Variants in KSR2 observed in about 807,000 individuals in gnomAD.
KSR2 encodes the protein kinase suppressor of ras 2.
Under a neutral mutation model 107.8 loss-of-function variants are expected in KSR2, and 25 were observed. The observed-to-expected ratio is 0.23, with a 90% CI of 0.17 to 0.32. The LOEUF (loss-of-function observed/expected upper bound fraction) is 0.32. KSR2 is among the 10% of genes least tolerant of loss of function. The pLI is 1.00. For missense variants in KSR2, 887 were observed against 1,268.9 expected, an observed-to-expected ratio of 0.70 and a Z score of 4.57; for synonymous variants, 480 against 507.0, an observed-to-expected ratio of 0.95 and a Z score of 0.71.
intron 1 of KSR2, among the ~76,000 whole-genome samples, chr12:117,870,852 C>A (rs1273921467): frequency 6.6e-6 from 1 of 152,132 alleles, no homozygotes; most frequent in Admixed American, 6.5e-5. Context: ...GAGTTCTGGC[C>A]TTGCCCTTGA....
At chr12:117,860,671 T>G (rs531418607) in intron 1 of KSR2, among the ~76,000 whole-genome samples, 1 of 152,276 alleles carries the variant, frequency 6.6e-6, no homozygotes, top group African/African-American at 2.4e-5. Flanking sequence ...TAGTACCAGT[T>G]CAGTGGAGGG....
chr12:117,651,032 C>G (rs1482729740), intron 5 of KSR2, among the ~76,000 whole-genome samples: 1 of 152,144 alleles, frequency 6.6e-6, no homozygotes, highest in East Asian at 1.9e-4. Context: ...AAAAATGAGA[C>G]CCTGAAATTT....
At chr12:117,555,138 A>G (rs1337278607) in intron 9 of KSR2, 31 bp downstream of exon 9, 1 of 1,613,048 alleles carries the variant, frequency 6.2e-7, no homozygotes, top group Non-Finnish European at 8.5e-7. Context: ...CCAGCCCCAC[A>G]TGCCGAGACC....
At chr12:117,608,967 G>A (rs1881445273) in intron 5 of KSR2, among the ~76,000 whole-genome samples, 1 of 152,076 alleles carries the variant, frequency 6.6e-6, no homozygotes. Flanking sequence ...CAGCTAGGGA[G>A]TCTCCCCACT....
At chr12:117,781,441 G>A (rs1298729787) in intron 3 of KSR2, among the ~76,000 whole-genome samples, 1 of 152,174 alleles carries the variant, frequency 6.6e-6, no homozygotes, top group Non-Finnish European at 1.5e-5. Context: ...AGGAGGTAGA[G>A]TGCAGATGAT....
At chr12:117,535,980 A>G (rs1876025638) in intron 10 of KSR2, among the ~76,000 whole-genome samples, 1 of 152,128 alleles carries the variant, frequency 6.6e-6, no homozygotes, top group African/African-American at 2.4e-5. Flanking sequence ...ACATGGCCCC[A>G]GGACTCAGGG....
intron 3 of KSR2, among the ~76,000 whole-genome samples, chr12:117,836,006 C>T (rs1057374434): frequency 6.6e-6 from 1 of 152,180 alleles, no homozygotes; most frequent in Non-Finnish European, 1.5e-5. Context: ...CAACCCCCTA[C>T]AGAAAATCCC....
At chr12:117,609,402 C>T (rs1345075737) in intron 5 of KSR2, among the ~76,000 whole-genome samples, 6 of 152,216 alleles carry the variant, frequency 3.9e-5, no homozygotes. Flanking sequence ...CTAACTAACC[C>T]AGAGGTCAGC....
chr12:117,584,385 G>T (rs1426428050), intron 5 of KSR2, among the ~76,000 whole-genome samples: 1 of 152,086 alleles, frequency 6.6e-6, no homozygotes, highest in Non-Finnish European at 1.5e-5. Flanking sequence ...TTTCTCCAGT[G>T]CGAGGGGTGG....
intron 7 of KSR2, among the ~76,000 whole-genome samples, chr12:117,570,026 A>G (rs1389927540): frequency 2.7e-5 from 4 of 149,982 alleles, no homozygotes; most frequent in African/African-American, 9.9e-5. Context: ...TTTTTGAGAC[A>G]GGGTCTCGCT....
rs937573906 is a variant in KSR2 at position 117,897,111 on chromosome 12, T to C, written c.181-36680A>G. On this transcript the variant is annotated intron_variant, in intron 1 of 19. Coordinates refer to ENST00000339824, the MANE Select transcript of KSR2 (RefSeq NM_173598.6). The surrounding 1 kb of genome is among the most constrained non-coding windows in gnomAD (Gnocchi z 4.5). ...TCGCCCAAGTCTACCGGGACTGATG[T>C]TCAGCTTGAGGGAGTAGCGGAGCAG... 6.6e-6 allele frequency among the ~76,000 whole-genome samples: 1 copy of C among 152,202 alleles called. No homozygotes were observed. The highest frequency in any genetic ancestry group is 6.5e-5 in the Admixed American group (1 of 15,274).
chr12:117,537,565 T>C (rs914978883), intron 10 of KSR2, among the ~76,000 whole-genome samples: 8 of 152,216 alleles, frequency 5.3e-5, no homozygotes, highest in African/African-American at 1.4e-4. Flanking sequence ...ATGAGAACAC[T>C]GAGGCCCAGA....
At chr12:117,590,853 G>C (rs773351710) in intron 5 of KSR2, among the ~76,000 whole-genome samples, 1 of 152,146 alleles carries the variant, frequency 6.6e-6, no homozygotes, top group South Asian at 2.1e-4. Context: ...CTGATTTAGA[G>C]CTATGAAACT....
chr12:117,792,072 C>G (rs553315978), intron 3 of KSR2, among the ~76,000 whole-genome samples: 1 of 152,246 alleles, frequency 6.6e-6, no homozygotes, highest in African/African-American at 2.4e-5. Flanking sequence ...CGCAGTGGCT[C>G]ATGCCTGTAA....
rs76736799 is a variant in KSR2 at position 117,762,448 on chromosome 12, A to G, written c.473-924T>C. 2.6e-3 allele frequency among the ~76,000 whole-genome samples: 400 copies of G among 152,348 alleles called. 5 individuals carry two copies. The highest frequency in any genetic ancestry group is 8.8e-3 in the African/African-American group (367 of 41,586). On this transcript the variant is annotated intron_variant, in intron 3 of 19. Transcript: ENST00000339824. The stretch of plus-strand genomic sequence containing the variant: ...AAAAGACACAAAAGCAACACAGATG[A>G]GACCCTGGTCCCCTGGACTTACATT...
intron 1 of KSR2, among the ~76,000 whole-genome samples, chr12:117,863,519 T>C (rs751616632): frequency 9.9e-5 from 15 of 152,218 alleles, no homozygotes; most frequent in Non-Finnish European, 1.2e-4. Context: ...TAAGCTGCAG[T>C]GAGCTGGATT....
At chr12:117,637,688 T>TGTTTG in intron 5 of KSR2, among the ~76,000 whole-genome samples, 1 of 136,360 alleles carries the variant, frequency 7.3e-6, no homozygotes, top group South Asian at 2.6e-4. Context: ...TTTTTTTTTT[T>TGTTTG]TTTTTTTTTT....
chr12:117,550,259 G>A (rs565135129), intron 9 of KSR2, among the ~76,000 whole-genome samples: 2 of 152,278 alleles, frequency 1.3e-5, no homozygotes, highest in African/African-American at 4.8e-5. Context: ...GAAGCACGAG[G>A]TTGTGCCAAG....
chr12:117,816,275 C>A (rs1471237233), intron 3 of KSR2, among the ~76,000 whole-genome samples: 1 of 152,138 alleles, frequency 6.6e-6, no homozygotes, highest in African/African-American at 2.4e-5. Context: ...AAGCAGCCAC[C>A]TGGAGTTCTG....
Sources: allele counts gnomAD v4.1 joint callset (sites outside exome capture counted in the v4.1 genomes callset), GRCh38; gene constraint gnomAD v4.1.1; non-coding constraint Gnocchi (gnomAD v3.1); transcripts MANE v1.5; gene names NCBI Gene and HGNC (gene_info 2026-07-23, HGNC 2026-07-21).